MYH15: variants seen among roughly 807,000 people sequenced by gnomAD.
MYH15 encodes myosin heavy chain 15, also known as myosin-15.
Under a neutral mutation model 240.5 loss-of-function variants are expected in MYH15, and 227 were observed. The ratio of observed to expected loss-of-function variants is 0.94; its 90% confidence interval spans 0.85 to 1.05. The LOEUF (loss-of-function observed/expected upper bound fraction) is 1.05. Among genes scored for constraint, MYH15 ranks in the 50% least tolerant of loss-of-function variants. The pLI is 0.00. For synonymous variants in MYH15, 785 were observed against 796.7 expected (o/e 0.99, Z 0.25); for missense variants, 2,217 against 2,247.5 (o/e 0.99, Z 0.27).
At chr3:108,423,791 G>GCA (rs138924256) in intron 27 of MYH15, among the ~76,000 whole-genome samples, 2 of 152,138 alleles carry the variant, frequency 1.3e-5, no homozygotes, top group Non-Finnish European at 2.9e-5. Flanking sequence ...CTGTGCAGAT[G>GCA]CACACACACA....
intron 40 of MYH15, among the ~76,000 whole-genome samples, 165 bp downstream of exon 40, chr3:108,383,430 T>A (rs2082357888): frequency 6.6e-6 from 1 of 152,236 alleles, no homozygotes; most frequent in Non-Finnish European, 1.5e-5. Flanking sequence ...CCAGGACAAG[T>A]ATAATTTAGC....
At chr3:108,426,749 C>T (rs1420259380) in intron 27 of MYH15, among the ~76,000 whole-genome samples, 1 of 152,120 alleles carries the variant, frequency 6.6e-6, no homozygotes, top group Non-Finnish European at 1.5e-5. Context: ...GTAGAGCCAC[C>T]AGCATGCAAC....
chr3:108,453,923 T>C, intron 21 of MYH15, 83 bp downstream of exon 21: 1 of 1,382,066 alleles, frequency 7.2e-7, no homozygotes, highest in African/African-American at 1.4e-5. Context: ...GCTCTTGACC[T>C]ACTATAAGGC....
At chr3:108,549,307 A>G in the MYH15 span, among the ~76,000 whole-genome samples, 1 of 151,934 alleles carries the variant, frequency 6.6e-6, no homozygotes, top group African/African-American at 2.4e-5. Flanking sequence ...CAACAAGAAA[A>G]AAAAAGTAAC....
intron 12 of MYH15, among the ~76,000 whole-genome samples, chr3:108,476,105 G>A (rs748719114): frequency 8.5e-5 from 13 of 152,108 alleles, no homozygotes; most frequent in Non-Finnish European, 1.5e-4. Context: ...AAGCTTCCTC[G>A]CTGGATGACA....
At chr3:108,455,886 G>A in intron 19 of MYH15, 27 bp from the exon 20 acceptor site, 1 of 1,596,236 alleles carries the variant, frequency 6.3e-7, no homozygotes, top group Non-Finnish European at 8.6e-7. Flanking sequence ...AAAAAATCAT[G>A]AGTTTGGGAA....
At chr3:108,495,267 T>G (rs1206457719) in intron 7 of MYH15, among the ~76,000 whole-genome samples, 1 of 152,210 alleles carries the variant, frequency 6.6e-6, no homozygotes, top group African/African-American at 2.4e-5. Flanking sequence ...GTTCTAGTTA[T>G]CAAAAGCTAC....
chr3:108,392,011 G>T, intron 36 of MYH15, 81 bp from the exon 37 acceptor site: 1 of 1,490,674 alleles, frequency 6.7e-7, no homozygotes, highest in Non-Finnish European at 9.2e-7. Context: ...TTAGTTCCTG[G>T]TCTGACTGGC....
At position 108,526,598 on chromosome 3, in the gene MYH15, C is replaced by G. The variant is rs144765959; in HGVS notation, c.-58+2665G>C. Reference sequence around the variant, plus strand: ...ACCCCTGATAGTTACTTGAAACAAGCCAATAATAATTGCATTCAGATGTTT... The same window carrying G: ...ACCCCTGATAGTTACTTGAAACAAGGCAATAATAATTGCATTCAGATGTTT... On this transcript the variant is annotated intron_variant, in intron 1 of 41. Coordinates refer to the MYH15 transcript ENST00000273353. Among the ~76,000 whole-genome samples the G allele has an allele frequency of 1.2e-4, 18 of 152,216 alleles. No homozygotes were observed. In the East Asian group the frequency reaches 3.5e-3, roughly 29 times the overall value.
chr3:108,438,076 C>A (rs1480222375), intron 24 of MYH15, among the ~76,000 whole-genome samples: 1 of 152,112 alleles, frequency 6.6e-6, no homozygotes, highest in Non-Finnish European at 1.5e-5. Flanking sequence ...TCATAAGAAG[C>A]CAAAATATTC....
At chr3:108,486,332 C>A in intron 10 of MYH15, 91 bp downstream of exon 10, 2 of 1,055,884 alleles carry the variant, frequency 1.9e-6, no homozygotes, top group Admixed American at 2.1e-5. Flanking sequence ...AAGACCACTT[C>A]TCTGGGTCCC....
intron 30 of MYH15, among the ~76,000 whole-genome samples, chr3:108,411,599 C>T (rs981856639): frequency 6.6e-6 from 1 of 152,148 alleles, no homozygotes; most frequent in Non-Finnish European, 1.5e-5. Context: ...TATTACAGTG[C>T]TTCTTTCTCC....
chr3:108,447,001 C>T (rs2082933962), intron 21 of MYH15, among the ~76,000 whole-genome samples: 1 of 151,576 alleles, frequency 6.6e-6, no homozygotes, highest in Non-Finnish European at 1.5e-5. Flanking sequence ...AATACATGAA[C>T]AAAAGGGGAA....
chr3:108,485,301 TG>T, intron 10 of MYH15, 72 bp from the exon 11 acceptor site: 27 of 1,559,670 alleles, frequency 1.7e-5, no homozygotes, highest in Non-Finnish European at 2.4e-5. Context: ...ACCCCCGCTG[TG>T]TTACACCTCG....
chr3:108,498,200 A>G (rs1025031035), intron 5 of MYH15, 55 bp from the exon 6 acceptor site: 13 of 1,506,398 alleles, frequency 8.6e-6, no homozygotes, highest in African/African-American at 2.8e-5. Flanking sequence ...CAATGCAACG[A>G]AAGTTAGGTA....
At chr3:108,515,221 T>C (rs1305448832), upstream of MYH15, among the ~76,000 whole-genome samples, 1 of 152,126 alleles carries the variant, frequency 6.6e-6, no homozygotes, top group Non-Finnish European at 1.5e-5. Context: ...AGATTTGGGA[T>C]TTAGATGCCA....
intron 40 of MYH15, among the ~76,000 whole-genome samples, chr3:108,382,761 G>A (rs959786109): frequency 1.1e-4 from 17 of 151,986 alleles, no homozygotes; most frequent in Admixed American, 2.6e-4. Context: ...GATGCACCAC[G>A]TTTAAAAAAA....
Position 108,439,874 on chromosome 3 carries a change from C to A in MYH15, c.2938G>T (p.Asp980Tyr). The change falls in exon 24 of 41, where the codon GAT becomes TAT. Residue 980 changes from aspartate (D) to tyrosine (Y), a missense_variant. Coordinates refer to ENST00000693548, the MANE Select transcript of MYH15 (RefSeq NM_014981.3). ...LTEEVEFLNE[D>Y]ISKLNRAAKV... ...GCTGCTCTGTTAAGTTTGCTGATAT[C>A]CTCATTTAGAAACTCTACTTCCTCA... The A allele has an allele frequency of 6.2e-7, 1 of 1,609,092 alleles. No homozygotes were observed.
chr3:108,407,585 G>C (rs1576213951), intron 32 of MYH15, among the ~76,000 whole-genome samples: 1 of 152,150 alleles, frequency 6.6e-6, no homozygotes, highest in South Asian at 2.1e-4. Flanking sequence ...TTCCTGAACT[G>C]TGAATCCATA....
Sources: gnomAD v4.1 joint callset for allele counts (sites outside exome capture counted in the v4.1 genomes callset) on GRCh38, gnomAD v4.1.1 for gene constraint, MANE v1.5 for transcripts, NCBI Gene and HGNC (gene_info 2026-07-23, HGNC 2026-07-21) for gene names.